BIN3: variants seen among roughly 807,000 people sequenced by gnomAD.
BIN3 encodes the protein bridging integrator 3.
BIN3 carries 41 observed loss-of-function variants against 38.2 expected under a neutral mutation model. The observed-to-expected ratio is 1.07, with a 90% CI of 0.84 to 1.39. The LOEUF (loss-of-function observed/expected upper bound fraction) is 1.39. Among genes scored for constraint, BIN3 ranks in the 40% most tolerant of loss-of-function variants. The probability of loss-of-function intolerance (pLI) is 0.00; values close to 1 mark genes in which losing one functional copy is unlikely to be tolerated. For missense variants in BIN3, 361 were observed against 324.3 expected, an observed-to-expected ratio of 1.11 and a Z score of -0.87; for synonymous variants, 145 against 122.6, an observed-to-expected ratio of 1.18 and a Z score of -1.21.
In BIN3 at chr8:22,636,978, T is replaced by A; in HGVS notation, c.58-16A>T. The A allele has an allele frequency of 6.2e-7, 1 of 1,610,764 alleles. No homozygotes were observed. Among genetic ancestry groups the A allele is most frequent in the Non-Finnish European group, 8.5e-7 (1 of 1,177,204 alleles). On this transcript the variant is annotated splice_polypyrimidine_tract_variant and intron_variant, in intron 2 of 8. Transcript: ENST00000276416. ...CTCTCTCCACCTGAAACGAGAGAGA[T>A]AACTCAATTATCGGAGAAATGACAA...
At chr8:22,625,281 G>C in intron 6 of BIN3, 4 of 701,430 alleles carry the variant, frequency 5.7e-6, no homozygotes, top group Non-Finnish European at 1.0e-5. Flanking sequence ...GCTGGCCCTC[G>C]GTGCAATGGC....
At chr8:22,661,352 CTTTTTTT>C (rs751194383) in intron 1 of BIN3, among the ~76,000 whole-genome samples, 10 of 84,450 alleles carry the variant, frequency 1.2e-4, no homozygotes, top group East Asian at 8.2e-4. Flanking sequence ...ATGTATCATT[CTTTTTTT>C]TTTTTTTTTT....
intron 1 of BIN3, among the ~76,000 whole-genome samples, chr8:22,655,051 T>C (rs1803013640): frequency 6.6e-6 from 1 of 152,258 alleles, no homozygotes; most frequent in African/African-American, 2.4e-5. Context: ...ATTTCTCTAA[T>C]GACTAATGAC....
intron 4 of BIN3, chr8:22,634,393 C>T: frequency 2.3e-6 from 1 of 439,978 alleles, no homozygotes; most frequent in Non-Finnish European, 4.6e-6. Context: ...ACAGTCCCTG[C>T]ACAGGCAGTC....
chr8:22,639,550 A>G (rs1211373450), intron 2 of BIN3, among the ~76,000 whole-genome samples: 1 of 152,140 alleles, frequency 6.6e-6, no homozygotes, highest in Non-Finnish European at 1.5e-5. Flanking sequence ...GTGGCTTACG[A>G]GGAAATAGCT....
chr8:22,658,819 G>A (rs1291703393), intron 1 of BIN3, among the ~76,000 whole-genome samples: 1 of 152,020 alleles, frequency 6.6e-6, no homozygotes, highest in South Asian at 2.1e-4. Flanking sequence ...AATGGAGGGA[G>A]GGCTGAGCAA....
At chr8:22,656,298 T>G (rs1304538505) in intron 1 of BIN3, among the ~76,000 whole-genome samples, 1 of 151,636 alleles carries the variant, frequency 6.6e-6, no homozygotes, top group Non-Finnish European at 1.5e-5. Context: ...ATAACACATG[T>G]GAAGTTTTAG....
At chr8:22,668,788 CGAGTCCGGCAAAACGGGTCAGACGCG>C (rs1803511622) in intron 1 of BIN3, among the ~76,000 whole-genome samples, 1 of 152,232 alleles carries the variant, frequency 6.6e-6, no homozygotes, top group Non-Finnish European at 1.5e-5. Flanking sequence ...TAGGAGGACG[CGAGTCCGGCAAAACGGGTCAGACGCG>C]GAGTCCCAGG....
chr8:22,664,102 T>C (rs886790805), intron 1 of BIN3, among the ~76,000 whole-genome samples: 8 of 152,252 alleles, frequency 5.3e-5, no homozygotes, highest in Non-Finnish European at 8.8e-5. Flanking sequence ...TACTGGGCCC[T>C]ATTTGATGGA....
chr8:22,630,715 G>A lies in BIN3; in HGVS notation c.161-137C>T, dbSNP rs897091899. 3.2e-5 allele frequency: 30 copies of A among 924,936 alleles called. 1 individual carries two copies. Among genetic ancestry groups the A allele is most frequent in the Admixed American group, 2.4e-4 (9 of 37,112 alleles). The allele number at this position is 924,936 out of a possible 1,614,324, so 57.3% of individuals were successfully genotyped here. A position where few individuals can be genotyped will look rare whatever the true frequency, so the allele number is the denominator to read the frequency against. On this transcript the variant is annotated intron_variant, in intron 4 of 8. Transcript: ENST00000276416. Reference sequence around the variant, plus strand: ...CACAGCCACGGCCGTCAAGAACGGCGAAGTACCACACAACCACAAGCTGCT... The same window carrying A: ...CACAGCCACGGCCGTCAAGAACGGCAAAGTACCACACAACCACAAGCTGCT...
chr8:22,648,894 C>CGTATGTATGTATGTAT (rs56065322), intron 1 of BIN3, among the ~76,000 whole-genome samples: 105 of 148,012 alleles, frequency 7.1e-4, no homozygotes, highest in African/African-American at 2.0e-3. Flanking sequence ...TCCACATCAA[C>CGTATGTATGTATGTAT]GTATGTATGT....
intron 2 of BIN3, among the ~76,000 whole-genome samples, chr8:22,641,028 G>A (rs1370658419): frequency 3.3e-5 from 5 of 152,194 alleles, no homozygotes; most frequent in Admixed American, 2.0e-4. Flanking sequence ...ACTGGGGAAA[G>A]ATGCACGGGG....
chr8:22,629,970 A>C lies in BIN3; in HGVS notation c.332T>G (p.Leu111Ter), dbSNP rs749919540. ...NQIQKTVIEP[L>*]KKFGSVFPSL... is the part of the protein sequence containing the mutation. Reference sequence around the variant, plus strand: ...CCAGGTGACATTTACTCACTTTTTTAAGGGCTCGATCACAGTCTTCTGGAT... The same window carrying C: ...CCAGGTGACATTTACTCACTTTTTTCAGGGCTCGATCACAGTCTTCTGGAT... The change falls in exon 6 of 9, where the codon TTA becomes TGA. Residue 111 changes from leucine (L) to a stop codon, truncating the protein, a stop_gained. Coordinates refer to ENST00000276416, the MANE Select transcript of BIN3 (RefSeq NM_018688.6). LOFTEE classifies it high-confidence loss of function. 1.9e-6 allele frequency: 3 copies of C among 1,608,488 alleles called. No individual in the cohort carries two copies. The South Asian group carries it at 3.3e-5, about 18-fold the overall frequency.
Position 22,629,872 on chromosome 8 carries a change from A to G in BIN3, c.338+92T>C, listed in dbSNP as rs1802128300. On this transcript the variant is annotated intron_variant, in intron 6 of 8. Transcript: ENST00000276416. ...CGTCAGGCCCCATGGGAATCTGGGG[A>G]CACGCAGCTAGAAATCCTCTTCAGT... 7 of 1,252,322 alleles carry G rather than the reference A, an allele frequency of 5.6e-6. No individual in the cohort carries two copies. The African/African-American group carries it at 9.0e-5, about 16-fold the overall frequency. 77.6% of individuals were successfully genotyped at this position (1,252,322 alleles called of 1,614,324 possible).
At chr8:22,650,965 C>T (rs753875680) in intron 1 of BIN3, among the ~76,000 whole-genome samples, 3 of 152,156 alleles carry the variant, frequency 2.0e-5, no homozygotes, top group Non-Finnish European at 2.9e-5. Flanking sequence ...CCATCCTGCC[C>T]TTGGGAGCCA....
At chr8:22,633,035 A>G (rs1342990657) in intron 4 of BIN3, among the ~76,000 whole-genome samples, 7 of 152,184 alleles carry the variant, frequency 4.6e-5, no homozygotes, top group Non-Finnish European at 1.0e-4. Flanking sequence ...TTTCTTTCCT[A>G]AAGCTCTTGC....
chr8:22,651,634 C>T (rs1802894658), intron 1 of BIN3, among the ~76,000 whole-genome samples: 1 of 152,240 alleles, frequency 6.6e-6, no homozygotes, highest in Admixed American at 6.5e-5. Context: ...GCTCCCCTGT[C>T]TTCTAACTTC....
intron 6 of BIN3, chr8:22,624,631 G>C (rs1801951706): frequency 2.4e-6 from 1 of 420,040 alleles, no homozygotes; most frequent in African/African-American, 2.0e-5. Flanking sequence ...ATGGGGTGAG[G>C]GCAGATGAGA....
chr8:22,646,618 T>C (rs929097158), intron 1 of BIN3, among the ~76,000 whole-genome samples: 1 of 152,240 alleles, frequency 6.6e-6, no homozygotes, highest in African/African-American at 2.4e-5. Flanking sequence ...GTTAACCCTT[T>C]GGGGGCTGGC....
Sources: gnomAD v4.1 joint callset for allele counts (sites outside exome capture counted in the v4.1 genomes callset) on GRCh38, gnomAD v4.1.1 for gene constraint, MANE v1.5 for transcripts, NCBI Gene and HGNC (gene_info 2026-07-23, HGNC 2026-07-21) for gene names.